MAP4K5: variants seen among roughly 807,000 people sequenced by gnomAD.
The protein encoded by MAP4K5 is MAPK/ERK kinase kinase kinase 5.
A neutral mutation model predicts 135.6 loss-of-function variants in MAP4K5; 82 were observed. That is an observed-to-expected ratio of 0.60 (90% confidence interval 0.51 to 0.73). The LOEUF (loss-of-function observed/expected upper bound fraction) is 0.73, where lower values mean the gene tolerates loss of function less well. Among genes scored for constraint, MAP4K5 ranks in the 30% least tolerant of loss-of-function variants. The pLI is 0.00. For synonymous variants in MAP4K5, 347 were observed against 335.0 expected, an observed-to-expected ratio of 1.04 and a Z score of -0.39; for missense variants, 907 against 1,010.9, an observed-to-expected ratio of 0.90 and a Z score of 1.39.
At chr14:50,487,243 G>C (rs758206894) in intron 3 of MAP4K5, among the ~76,000 whole-genome samples, 4 of 152,182 alleles carry the variant, frequency 2.6e-5, no homozygotes, top group Admixed American at 1.3e-4. Flanking sequence ...GGGAGGCGGA[G>C]GTCGCAGTGA....
intron 2 of MAP4K5, among the ~76,000 whole-genome samples, chr14:50,517,383 C>G (rs2038055510): frequency 6.6e-6 from 1 of 151,898 alleles, no homozygotes; most frequent in Non-Finnish European, 1.5e-5. Context: ...AACTCCTGAC[C>G]TCAGGTGATT....
At chr14:50,445,900 G>A (rs1784600810) in intron 17 of MAP4K5, among the ~76,000 whole-genome samples, 179 bp downstream of exon 17, 2 of 151,996 alleles carry the variant, frequency 1.3e-5, no homozygotes. Context: ...TAAAAATATT[G>A]TATTCCTCAT....
chr14:50,478,641 C>T (rs1485137796), intron 6 of MAP4K5, among the ~76,000 whole-genome samples: 1 of 152,030 alleles, frequency 6.6e-6, no homozygotes, highest in Non-Finnish European at 1.5e-5. Flanking sequence ...GGTTAAACAT[C>T]CCTAATCAGA....
chr14:50,445,946 C>A, intron 17 of MAP4K5, 133 bp downstream of exon 17: 1 of 518,934 alleles, frequency 1.9e-6, no homozygotes, highest in South Asian at 3.7e-5. Flanking sequence ...CACCATCATA[C>A]ACTTCTTTTG....
At chr14:50,503,574 T>C (rs2037750361) in intron 3 of MAP4K5, among the ~76,000 whole-genome samples, 1 of 152,042 alleles carries the variant, frequency 6.6e-6, no homozygotes, top group Non-Finnish European at 1.5e-5. Context: ...ATTTAAAAAA[T>C]ACACTCATTA....
Position 50,419,796 on chromosome 14 carries a change from CT to C in MAP4K5, c.*222del, listed in dbSNP as rs762641586. The C allele has an allele frequency of 8.5e-5, 37 of 436,490 alleles. No homozygotes were observed. The highest frequency in any genetic ancestry group is 1.8e-4 in the Admixed American group (5 of 27,824). 27.0% of individuals were successfully genotyped at this position (436,490 alleles called of 1,614,324 possible). ...AACTAGAGGACTATTTGTCTCATAG[CT>C]TTTATTAAGCAAACTTGATATAACC... On this transcript the variant is annotated 3_prime_UTR_variant, in exon 33 of 33. Coordinates refer to ENST00000682126, the MANE Select transcript of MAP4K5 (RefSeq NM_006575.6).
At chr14:50,442,584 T>C (rs1422441028) in intron 21 of MAP4K5, 148 bp downstream of exon 21, 5 of 583,518 alleles carry the variant, frequency 8.6e-6, no homozygotes, top group East Asian at 6.4e-5. Flanking sequence ...CAAAACCCTA[T>C]TGACCTATTT....
At chr14:50,521,743 T>C (rs1477348299) in intron 2 of MAP4K5, among the ~76,000 whole-genome samples, 1 of 152,196 alleles carries the variant, frequency 6.6e-6, no homozygotes, top group Non-Finnish European at 1.5e-5. Context: ...CACATCATCA[T>C]CTCAAAATCT....
intron 18 of MAP4K5, 58 bp downstream of exon 18, chr14:50,444,983 C>T (rs2036309913): frequency 6.6e-7 from 1 of 1,514,682 alleles, no homozygotes; most frequent in East Asian, 2.3e-5. Context: ...GATTTATTCA[C>T]CCAGATAACA....
At chr14:50,504,696 T>C (rs1421886088) in intron 3 of MAP4K5, 104 bp downstream of exon 3, 3 of 797,262 alleles carry the variant, frequency 3.8e-6, no homozygotes, top group Non-Finnish European at 6.0e-6. Flanking sequence ...GAAGATATTC[T>C]ACTGACCTGA....
intron 2 of MAP4K5, among the ~76,000 whole-genome samples, chr14:50,509,232 TGGGG>T (rs2037878973): frequency 1.1e-5 from 1 of 89,500 alleles, no homozygotes; most frequent in African/African-American, 4.4e-5. Flanking sequence ...GGGCCTGTCA[TGGGG>T]TGGGGGGCAG....
At chr14:50,486,344 A>G in intron 3 of MAP4K5, 150 bp from the exon 4 acceptor site, 2 of 478,764 alleles carry the variant, frequency 4.2e-6, no homozygotes, top group South Asian at 6.3e-5. Flanking sequence ...TCTTTCTATA[A>G]AGTCAGAAGT....
chr14:50,553,828 A>T (rs1238807399), intron 1 of MAP4K5, among the ~76,000 whole-genome samples: 1 of 152,242 alleles, frequency 6.6e-6, no homozygotes, highest in African/African-American at 2.4e-5. Context: ...GGAGGCCATT[A>T]TTCTAAGTGA....
Position 50,419,018 on chromosome 14 carries a change from T to G in MAP4K5, c.*1001A>C, listed in dbSNP as rs1427029150. 6.6e-6 allele frequency: 1 copy of G among 152,170 alleles called. No homozygotes were observed. Among genetic ancestry groups the G allele is most frequent in the African/African-American group, 2.4e-5 (1 of 41,448 alleles). The allele number at this position is 152,170 out of a possible 1,614,324, so 9.4% of individuals were successfully genotyped here. A position where few individuals can be genotyped will look rare whatever the true frequency, so the allele number is the denominator to read the frequency against. ...CCTACTCAAAATGAATACCTACATA[T>G]GTGAAAAACCCAAGATTACATGTGT... On this transcript the variant is annotated 3_prime_UTR_variant, in exon 33 of 33. Transcript: ENST00000682126.
At chr14:50,470,984 C>T (rs575657554) in intron 9 of MAP4K5, among the ~76,000 whole-genome samples, 1 of 152,194 alleles carries the variant, frequency 6.6e-6, no homozygotes, top group East Asian at 1.9e-4. Flanking sequence ...GCTTCAAAAT[C>T]GTTCTACCAA....
chr14:50,534,852 G>C (rs1354899955), upstream of MAP4K5, among the ~76,000 whole-genome samples: 5 of 152,210 alleles, frequency 3.3e-5, 1 homozygote, highest in Non-Finnish European at 4.4e-5. Flanking sequence ...GGGTTGCTTT[G>C]TAAAGAAATG....
At chr14:50,529,871 A>C (rs2038349017) in intron 2 of MAP4K5, among the ~76,000 whole-genome samples, 1 of 152,198 alleles carries the variant, frequency 6.6e-6, no homozygotes, top group Non-Finnish European at 1.5e-5. Flanking sequence ...CTAGAGCAGA[A>C]TGACTAAGGA....
chr14:50,445,094 A>G lies in MAP4K5; in HGVS notation c.1286T>C (p.Leu429Pro), dbSNP rs2036314015. 6.2e-7 allele frequency: 1 copy of G among 1,613,710 alleles called. No individual in the cohort carries two copies. Among genetic ancestry groups the G allele is most frequent in the East Asian group, 2.2e-5 (1 of 44,858 alleles). The change falls in exon 18 of 33, where the codon CTC (leucine) becomes CCC (proline). Residue 429 changes from leucine (L) to proline (P), a missense_variant. Physicochemically the swap from Leu to Pro is moderately conservative, Grantham distance 98. Transcript: ENST00000682126. ...PDSESRAPQI[L>P]RRQSSPSCGP... ...ACAACTTGGGCTACTCTGTCTTCTG[A>G]GAATTTGGGGAGCTCTGCTTTCTGA...
At chr14:50,480,779 G>T (rs1024242612) in intron 6 of MAP4K5, among the ~76,000 whole-genome samples, 1 of 152,092 alleles carries the variant, frequency 6.6e-6, no homozygotes, top group African/African-American at 2.4e-5. Flanking sequence ...AACACCTAGG[G>T]TATATGTATA....
Sources: gnomAD v4.1 joint callset for allele counts (sites outside exome capture counted in the v4.1 genomes callset) on GRCh38, gnomAD v4.1.1 for gene constraint, MANE v1.5 for transcripts, NCBI Gene and HGNC (gene_info 2026-07-23, HGNC 2026-07-21) for gene names.